LRFN5: variants seen among roughly 807,000 people sequenced by gnomAD.
LRFN5 encodes the protein leucine rich repeat and fibronectin type III domain containing 5.
A neutral mutation model predicts 45.6 loss-of-function variants in LRFN5; 24 were observed. The ratio of observed to expected loss-of-function variants is 0.53; its 90% confidence interval spans 0.38 to 0.74. The LOEUF (loss-of-function observed/expected upper bound fraction) is 0.74. LRFN5 is among the 30% of genes least tolerant of loss of function. The pLI is 0.00. For missense variants in LRFN5, 776 were observed against 861.5 expected, an observed-to-expected ratio of 0.90 and a Z score of 1.24; for synonymous variants, 340 against 313.8, an observed-to-expected ratio of 1.08 and a Z score of -0.88.
chr14:41,726,576 TGTTC>T (rs1883944406), intron 1 of LRFN5, among the ~76,000 whole-genome samples: 1 of 152,174 alleles, frequency 6.6e-6, no homozygotes, highest in Non-Finnish European at 1.5e-5. Flanking sequence ...AACAGTAGTC[TGTTC>T]TACTTAGTCA....
chr14:41,704,170 T>G (rs140727963), intron 1 of LRFN5, among the ~76,000 whole-genome samples: 77 of 152,262 alleles, frequency 5.1e-4, no homozygotes, highest in African/African-American at 1.7e-3. Flanking sequence ...TTATTTGAAT[T>G]TAAATGAATG....
At chr14:41,804,021 A>T (rs1887432335) in intron 2 of LRFN5, among the ~76,000 whole-genome samples, 1 of 151,972 alleles carries the variant, frequency 6.6e-6, no homozygotes, top group Non-Finnish European at 1.5e-5. Flanking sequence ...ATGCCACCAC[A>T]CCTGGCTAAT....
chr14:41,638,275 A>G (rs1566598535), intron 1 of LRFN5, among the ~76,000 whole-genome samples: 1 of 152,040 alleles, frequency 6.6e-6, no homozygotes, highest in East Asian at 1.9e-4. Flanking sequence ...CCTCCTAATT[A>G]AAATGATAGA....
intron 1 of LRFN5, among the ~76,000 whole-genome samples, chr14:41,696,020 AAGG>A (rs1882595012): frequency 6.6e-6 from 1 of 151,966 alleles, no homozygotes; most frequent in Non-Finnish European, 1.5e-5. Context: ...TGATTCACTG[AAGG>A]AGGCCAAAAT....
chr14:41,758,875 T>G (rs1397811646), intron 1 of LRFN5, among the ~76,000 whole-genome samples: 1 of 152,220 alleles, frequency 6.6e-6, no homozygotes, highest in Non-Finnish European at 1.5e-5. Flanking sequence ...TTGAGTCATC[T>G]TTTCTTTTGG....
intron 1 of LRFN5, among the ~76,000 whole-genome samples, chr14:41,649,191 C>A (rs908264375): frequency 1.3e-5 from 2 of 151,884 alleles, no homozygotes; most frequent in Non-Finnish European, 2.9e-5. Flanking sequence ...GCTGAGATTG[C>A]GCCACTGCAC....
At chr14:41,746,634 T>A (rs1046345280) in intron 1 of LRFN5, among the ~76,000 whole-genome samples, 3 of 152,010 alleles carry the variant, frequency 2.0e-5, no homozygotes, top group African/African-American at 7.2e-5. Context: ...GCAATATCTA[T>A]TCACCTACTG....
At position 41,857,344 on chromosome 14, in the gene LRFN5, C is replaced by G. The variant is rs78891795; in HGVS notation, c.-20-29262C>G. Reference sequence around the variant, plus strand: ...TTTAACTTATTTAATAATACTGTTTCCCTGGAAACAGAAAAGAGACAGATA... The same window carrying G: ...TTTAACTTATTTAATAATACTGTTTGCCTGGAAACAGAAAAGAGACAGATA... On this transcript the variant is annotated intron_variant, in intron 2 of 5. Coordinates refer to ENST00000298119, the MANE Select transcript of LRFN5 (RefSeq NM_152447.5). Among the ~76,000 whole-genome samples, 109 of 152,090 alleles carry G rather than the reference C, an allele frequency of 7.2e-4. No individual in the cohort carries two copies. The East Asian group carries it at 0.017, about 23-fold the overall frequency.
intron 2 of LRFN5, among the ~76,000 whole-genome samples, chr14:41,811,040 A>G (rs905790003): frequency 2.0e-5 from 3 of 152,124 alleles, no homozygotes; most frequent in Non-Finnish European, 4.4e-5. Flanking sequence ...TTTCCTGAGG[A>G]TGAGCATAAT....
At chr14:41,707,251 T>A (rs1399383610) in intron 1 of LRFN5, among the ~76,000 whole-genome samples, 1 of 152,242 alleles carries the variant, frequency 6.6e-6, no homozygotes, top group African/African-American at 2.4e-5. Context: ...GCCATGCTTA[T>A]CCTTTTCCTA....
chr14:41,649,029 C>A (rs549699851), intron 1 of LRFN5, among the ~76,000 whole-genome samples: 23 of 152,184 alleles, frequency 1.5e-4, no homozygotes, highest in Non-Finnish European at 2.9e-4. Context: ...GTCAGGAGTT[C>A]AAGACCAGCC....
intron 1 of LRFN5, among the ~76,000 whole-genome samples, chr14:41,642,959 T>C (rs1386724085): frequency 6.6e-6 from 1 of 152,158 alleles, no homozygotes; most frequent in Non-Finnish European, 1.5e-5. Context: ...TACTTCATTG[T>C]CACAATTTAT....
chr14:41,639,519 C>CTTAG (rs1879464935), intron 1 of LRFN5, among the ~76,000 whole-genome samples: 1 of 151,904 alleles, frequency 6.6e-6, no homozygotes, highest in Non-Finnish European at 1.5e-5. Context: ...CTTTTTAGTC[C>CTTAG]TTAGTTTGTT....
intron 2 of LRFN5, among the ~76,000 whole-genome samples, chr14:41,879,851 CTTCTCATTGGCAATTTT>C (rs1273734996): frequency 1.5e-5 from 2 of 134,198 alleles, no homozygotes; most frequent in African/African-American, 5.6e-5. Context: ...TTTTTTTATT[CTTCTCATTGGCAATTTT>C]TGGTTTCTCT....
intron 3 of LRFN5, among the ~76,000 whole-genome samples, chr14:41,888,540 G>GGGTGATCAA (rs1362348958): frequency 2.6e-5 from 4 of 152,060 alleles, no homozygotes; most frequent in African/African-American, 9.7e-5. Context: ...TGAATAAGGT[G>GGGTGATCAA]GGTGATCAAG....
chr14:41,610,661 T>TAAAAAAAA lies in LRFN5; in HGVS notation c.-197+2114_-197+2121dup, dbSNP rs199770856. On this transcript the variant is annotated intron_variant, in intron 1 of 5. Coordinates refer to ENST00000298119, the MANE Select transcript of LRFN5 (RefSeq NM_152447.5). ...TACCCCTCTGAGGTCCCAGGGAAGGTAAAAAAAAAAAAAAAAAAAAAAGTG... is the reference window on the plus strand; with the variant it reads ...TACCCCTCTGAGGTCCCAGGGAAGGTAAAAAAAAAAAAAAAAAAAAAAAAAAAAAAGTG... Among the ~76,000 whole-genome samples the TAAAAAAAA allele has an allele frequency of 3.9e-3, 146 of 37,330 alleles. 14 individuals carry two copies. The highest frequency in any genetic ancestry group is 0.02 in the South Asian group (26 of 1,296). The allele number at this position is 37,330 out of a possible 152,430, so 24.5% of individuals were successfully genotyped here.
At position 41,694,539 on chromosome 14, in the gene LRFN5, A is replaced by G. The variant is rs890684538; in HGVS notation, c.-196-72315A>G. Reference sequence around the variant, plus strand: ...AATATTTTGTTCTTTTTTAAGACTGAGTGATATTCTTTTCTGTATATGGGC... The same window carrying G: ...AATATTTTGTTCTTTTTTAAGACTGGGTGATATTCTTTTCTGTATATGGGC... On this transcript the variant is annotated intron_variant, in intron 1 of 5. Coordinates refer to ENST00000298119, the MANE Select transcript of LRFN5 (RefSeq NM_152447.5). 2.0e-5 allele frequency among the ~76,000 whole-genome samples: 3 copies of G among 151,856 alleles called. No homozygotes were observed. The East Asian group carries it at 5.8e-4, about 29-fold the overall frequency.
intron 2 of LRFN5, among the ~76,000 whole-genome samples, chr14:41,818,811 G>A (rs1344014527): frequency 1.3e-5 from 2 of 152,148 alleles, no homozygotes; most frequent in Non-Finnish European, 2.9e-5. Context: ...AAGTGGTGAA[G>A]TCTGGTCTTT....
chr14:41,660,222 C>G (rs1880582221), intron 1 of LRFN5, among the ~76,000 whole-genome samples: 1 of 151,932 alleles, frequency 6.6e-6, no homozygotes, highest in African/African-American at 2.4e-5. Flanking sequence ...GAGGAGGTTT[C>G]TTCATGTTAG....
Sources: gnomAD v4.1 joint callset for allele counts (sites outside exome capture counted in the v4.1 genomes callset) on GRCh38, gnomAD v4.1.1 for gene constraint, MANE v1.5 for transcripts, NCBI Gene and HGNC (gene_info 2026-07-23, HGNC 2026-07-21) for gene names.